Variants in ZPBP observed in about 807,000 individuals in gnomAD.
ZPBP encodes zona pellucida binding protein.
A neutral mutation model predicts 44.8 loss-of-function variants in ZPBP; 26 were observed. The observed-to-expected ratio is 0.58, with a 90% CI of 0.43 to 0.81. ZPBP has a LOEUF of 0.81. Among genes scored for constraint, ZPBP ranks in the 30% least tolerant of loss-of-function variants. The pLI, the probability that ZPBP is intolerant of heterozygous loss-of-function variation, is 0.00. For synonymous variants in ZPBP, 174 were observed against 153.2 expected, an observed-to-expected ratio of 1.14 and a Z score of -1.00; for missense variants, 409 against 434.0, an observed-to-expected ratio of 0.94 and a Z score of 0.51.
intron 4 of ZPBP, among the ~76,000 whole-genome samples, chr7:50,056,667 T>C (rs6583421): frequency 0.51 from 77,703 of 152,118 alleles, 20,716 homozygotes; most frequent in East Asian, 0.7. Flanking sequence ...TACTCCATAT[T>C]GACAGAGCAG....
intron 2 of ZPBP, among the ~76,000 whole-genome samples, chr7:49,900,203 T>C (rs1056053583): frequency 4.6e-5 from 7 of 151,680 alleles, no homozygotes; most frequent in South Asian, 2.1e-4. Flanking sequence ...ATTTGTAGCA[T>C]TGAATGCATA....
At chr7:49,864,170 C>T (rs879298909) in intron 2 of ZPBP, among the ~76,000 whole-genome samples, 8 of 152,114 alleles carry the variant, frequency 5.3e-5, no homozygotes, top group Non-Finnish European at 1.2e-4. Context: ...ATTGGTGTCA[C>T]TGAAGTCTGT....
intron 4 of ZPBP, among the ~76,000 whole-genome samples, chr7:50,049,384 T>A (rs1347121410): frequency 6.6e-6 from 1 of 151,960 alleles, no homozygotes; most frequent in Non-Finnish European, 1.5e-5. Flanking sequence ...GTATCTCTTA[T>A]GAACACAAAT....
At chr7:49,887,866 A>T (rs941208347) in intron 2 of ZPBP, among the ~76,000 whole-genome samples, 3 of 152,206 alleles carry the variant, frequency 2.0e-5, no homozygotes, top group South Asian at 4.1e-4. Flanking sequence ...ACTGCACTTA[A>T]CCACCAGACT....
chr7:50,081,123 T>C (rs1317681268), intron 3 of ZPBP, among the ~76,000 whole-genome samples: 1 of 151,804 alleles, frequency 6.6e-6, no homozygotes, highest in African/African-American at 2.4e-5. Flanking sequence ...TGTATAAATA[T>C]ATTGCTCTCC....
rs982353405 is a variant in ZPBP, at chr7:50,018,136, C to T, written c.783+104G>A. The stretch of plus-strand genomic sequence containing the variant: ...TTATTTTTATTGTTGAAATCCTTAA[C>T]TGTGGGGATTCAACGTATTTTATAA... On this transcript the variant is annotated intron_variant, in intron 6 of 7. Transcript: ENST00000046087. 2.2e-5 allele frequency: 18 copies of T among 815,446 alleles called. No homozygotes were observed. In the African/African-American group the frequency reaches 2.5e-4, roughly 12 times the overall value. The allele number at this position is 815,446 out of a possible 1,614,324, so 50.5% of individuals were successfully genotyped here. A position where few individuals can be genotyped will look rare whatever the true frequency, so the allele number is the denominator to read the frequency against.
At chr7:49,944,241 C>T in intron 7 of ZPBP, 2 of 361,868 alleles carry the variant, frequency 5.5e-6, no homozygotes, top group Non-Finnish European at 1.1e-5. Flanking sequence ...GTGCCAGAAG[C>T]CACCTTTGAT....
At chr7:49,938,003 T>C (rs942072819) in intron 7 of ZPBP, among the ~76,000 whole-genome samples, 2 of 152,202 alleles carry the variant, frequency 1.3e-5, no homozygotes, top group Admixed American at 6.5e-5. Flanking sequence ...CTAATGCCAT[T>C]GATGACCTGA....
intron 2 of ZPBP, among the ~76,000 whole-genome samples, chr7:49,882,310 T>C (rs1791703161): frequency 6.6e-6 from 1 of 152,140 alleles, no homozygotes; most frequent in South Asian, 2.1e-4. Context: ...CTTCCTCACT[T>C]TATAATGTTA....
chr7:49,846,798 T>C (rs761711053), downstream of ZPBP, among the ~76,000 whole-genome samples: 4 of 152,218 alleles, frequency 2.6e-5, no homozygotes, highest in Non-Finnish European at 5.9e-5. Flanking sequence ...CCCTCCTTTA[T>C]ACATATGTAA....
At chr7:49,955,329 TGGGC>T (rs1449767944) in intron 7 of ZPBP, among the ~76,000 whole-genome samples, 6 of 152,024 alleles carry the variant, frequency 3.9e-5, no homozygotes, top group Non-Finnish European at 5.9e-5. Context: ...GAGGCCAAAG[TGGGC>T]GGATCACAAG....
chr7:50,026,337 T>C lies in ZPBP; in HGVS notation c.706+4755A>G, dbSNP rs114055712. Among the ~76,000 whole-genome samples, 682 of 151,914 alleles carry C rather than the reference T, an allele frequency of 4.5e-3. 2 individuals carry two copies. The highest frequency in any genetic ancestry group is 0.016 in the African/African-American group (662 of 41,488). On this transcript the variant is annotated intron_variant, in intron 5 of 7. Coordinates refer to ENST00000046087, the MANE Select transcript of ZPBP (RefSeq NM_007009.3). Reference sequence around the variant, plus strand: ...AACTGAAGGGAAAAGCAGATAATAATAGTGGAAGACATCAATACTGCACCT... The same window carrying C: ...AACTGAAGGGAAAAGCAGATAATAACAGTGGAAGACATCAATACTGCACCT...
chr7:49,906,807 A>G (rs1793121705), intron 1 of ZPBP, among the ~76,000 whole-genome samples: 1 of 149,664 alleles, frequency 6.7e-6, no homozygotes, highest in African/African-American at 2.4e-5. Context: ...TGCCTCTAGG[A>G]TTGTGTGTTT....
At chr7:50,085,666 C>T (rs1054573877) in intron 2 of ZPBP, among the ~76,000 whole-genome samples, 1 of 152,092 alleles carries the variant, frequency 6.6e-6, no homozygotes, top group Non-Finnish European at 1.5e-5. Context: ...GCCTACTGCA[C>T]AAAGCCTTTT....
intron 2 of ZPBP, among the ~76,000 whole-genome samples, chr7:49,875,970 T>C (rs1181670408): frequency 6.6e-6 from 1 of 152,170 alleles, no homozygotes; most frequent in Non-Finnish European, 1.5e-5. Context: ...AAATTGGTGT[T>C]GCATTGTGCT....
At chr7:50,087,765 G>C (rs1802741261) in intron 2 of ZPBP, among the ~76,000 whole-genome samples, 1 of 151,724 alleles carries the variant, frequency 6.6e-6, no homozygotes, top group Non-Finnish European at 1.5e-5. Context: ...TATAATTGAG[G>C]GAAATTAAAG....
chr7:50,086,323 A>C (rs1295648429), intron 2 of ZPBP, among the ~76,000 whole-genome samples: 1 of 152,058 alleles, frequency 6.6e-6, no homozygotes, highest in Non-Finnish European at 1.5e-5. Flanking sequence ...AAACCCAAGA[A>C]AATATGGCCA....
chr7:49,896,151 G>A (rs1320160421), intron 2 of ZPBP, among the ~76,000 whole-genome samples: 2 of 152,144 alleles, frequency 1.3e-5, no homozygotes, highest in East Asian at 3.9e-4. Context: ...GACTAGCCTG[G>A]TCAATGTGGT....
At chr7:49,886,842 CT>C (rs1273828421) in intron 2 of ZPBP, among the ~76,000 whole-genome samples, 1 of 152,230 alleles carries the variant, frequency 6.6e-6, no homozygotes, top group African/African-American at 2.4e-5. Context: ...AATATTTAGC[CT>C]TTATTGCATA....
Sources: gnomAD v4.1 joint callset for allele counts (sites outside exome capture counted in the v4.1 genomes callset) on GRCh38, gnomAD v4.1.1 for gene constraint, MANE v1.5 for transcripts, NCBI Gene and HGNC (gene_info 2026-07-23, HGNC 2026-07-21) for gene names.